SULT6B1: variants seen among roughly 807,000 people sequenced by gnomAD.
SULT6B1 encodes sulfotransferase 6B1.
Under a neutral mutation model 37.2 loss-of-function variants are expected in SULT6B1, and 44 were observed. That is an observed-to-expected ratio of 1.18 (90% CI 0.93 to 1.52). The LOEUF is 1.52. Among genes scored for constraint, SULT6B1 ranks in the 40% most tolerant of loss-of-function variants. The probability of loss-of-function intolerance (pLI) is 0.00; values close to 1 mark genes in which losing one functional copy is unlikely to be tolerated. For synonymous variants in SULT6B1, 140 were observed against 126.0 expected, an observed-to-expected ratio of 1.11 and a Z score of -0.74; for missense variants, 450 against 361.0, an observed-to-expected ratio of 1.25 and a Z score of -2.00.
intron 4 of SULT6B1, among the ~76,000 whole-genome samples, chr2:37,178,171 A>C (rs1347807185): frequency 6.6e-6 from 1 of 152,004 alleles, no homozygotes; most frequent in Admixed American, 6.6e-5. Flanking sequence ...CAGCCTCCCA[A>C]GTAGCTGAGA....
chr2:37,187,547 T>C, intron 1 of SULT6B1, 80 bp from the exon 2 acceptor site: 3 of 774,526 alleles, frequency 3.9e-6, no homozygotes, highest in Non-Finnish European at 6.0e-6. Flanking sequence ...ATATACATGA[T>C]AAAAATTAAA....
intron 1 of SULT6B1, among the ~76,000 whole-genome samples, chr2:37,193,839 A>G (rs1238361467): frequency 1.3e-5 from 2 of 152,176 alleles, no homozygotes; most frequent in African/African-American, 4.8e-5. Context: ...ACATCTTTCT[A>G]GTCATTTGCA....
intron 1 of SULT6B1, among the ~76,000 whole-genome samples, chr2:37,195,861 G>T (rs545098635): frequency 7.2e-4 from 109 of 150,864 alleles, no homozygotes; most frequent in Non-Finnish European, 1.4e-3. Context: ...TCACTCTGTC[G>T]CCCAGGCTGG....
intron 4 of SULT6B1, among the ~76,000 whole-genome samples, chr2:37,178,576 C>T (rs112337055): frequency 1.7e-3 from 264 of 151,764 alleles, no homozygotes; most frequent in Admixed American, 5.1e-3. Flanking sequence ...TACAATGGGG[C>T]TAATACCACC....
In SULT6B1 at chr2:37,171,618, T is replaced by C. The variant is rs200348236; in HGVS notation, c.625-28A>G. 120 of 1,605,592 alleles carry C rather than the reference T, an allele frequency of 7.5e-5. 1 individual carries two copies. The East Asian group carries it at 2.5e-3, about 34-fold the overall frequency. ...GTAAAAAAATTTTCTTAAAGATAAA[T>C]TTCTTCCTATGGAAATTGTTCTCTG... is the stretch of plus-strand genomic sequence containing the variant. On this transcript the variant is annotated intron_variant, in intron 5 of 6. Transcript: ENST00000535679.
chr2:37,192,542 T>C (rs1192764556), upstream of SULT6B1, among the ~76,000 whole-genome samples: 1 of 152,246 alleles, frequency 6.6e-6, no homozygotes, highest in East Asian at 1.9e-4. Flanking sequence ...TATATAATAA[T>C]GTGATGATAT....
At chr2:37,185,164 A>T (rs1056406709) in intron 2 of SULT6B1, among the ~76,000 whole-genome samples, 2 of 152,214 alleles carry the variant, frequency 1.3e-5, no homozygotes, top group East Asian at 3.9e-4. Flanking sequence ...ATGGCCAAAA[A>T]TCATGTACAG....
chr2:37,176,435 T>C (rs1404585503), intron 4 of SULT6B1, among the ~76,000 whole-genome samples: 1 of 151,970 alleles, frequency 6.6e-6, no homozygotes, highest in Non-Finnish European at 1.5e-5. Context: ...AATTTTTGTA[T>C]TTTTGGTAGA....
At chr2:37,180,327 G>C (rs1478974333) in intron 3 of SULT6B1, among the ~76,000 whole-genome samples, 1 of 152,210 alleles carries the variant, frequency 6.6e-6, no homozygotes, top group East Asian at 1.9e-4. Flanking sequence ...TCAGAAAGGG[G>C]AAAGATGTGG....
intron 2 of SULT6B1, among the ~76,000 whole-genome samples, chr2:37,187,087 A>T (rs1261257408): frequency 6.6e-6 from 1 of 152,234 alleles, no homozygotes; most frequent in Non-Finnish European, 1.5e-5. Flanking sequence ...CAAACTGGAA[A>T]ACTTGGGTTC....
At position 37,167,829 on chromosome 2, in the gene SULT6B1, A is replaced by C. The variant is rs1676212621; in HGVS notation, c.*106T>G. 1 of 978,038 alleles carries C rather than the reference A, an allele frequency of 1.0e-6. No individual in the cohort carries two copies. Among genetic ancestry groups the C allele is most frequent in the African/African-American group, 1.8e-5 (1 of 56,642 alleles). The allele number at this position is 978,038 out of a possible 1,614,324, so 60.6% of individuals were successfully genotyped here. ...TTTTGTATTGTATTATTTAGATTTC[A>C]ATATTGTTTAATTATTATTTGATTA... is the stretch of plus-strand genomic sequence containing the variant. On this transcript the variant is annotated 3_prime_UTR_variant, in exon 7 of 7. Coordinates refer to ENST00000535679, the MANE Select transcript of SULT6B1 (RefSeq NM_001367551.1).
chr2:37,192,678 C>T (rs1676804453), upstream of SULT6B1, among the ~76,000 whole-genome samples: 2 of 152,214 alleles, frequency 1.3e-5, no homozygotes, highest in African/African-American at 4.8e-5. Flanking sequence ...CTTTGTTTCC[C>T]TCTGGTCAGG....
chr2:37,180,953 G>T (rs1558448667), intron 3 of SULT6B1, among the ~76,000 whole-genome samples: 1 of 152,092 alleles, frequency 6.6e-6, no homozygotes, highest in East Asian at 1.9e-4. Flanking sequence ...CTGCTGGGAG[G>T]TTTTTAATAA....
Position 37,168,082 on chromosome 2 carries a change from AC to A in SULT6B1, c.782-18del. ...CAACTTCACCTACAACACACAAAAA[AC>A]AGTAGACCCAGATATCTGTTAGAAT... On this transcript the variant is annotated intron_variant, in intron 6 of 6. Transcript: ENST00000535679. 1 of 1,565,934 alleles carries A rather than the reference AC, an allele frequency of 6.4e-7. No individual in the cohort carries two copies. The highest frequency in any genetic ancestry group is 8.6e-7 in the Non-Finnish European group (1 of 1,164,138).
At chr2:37,192,134 C>T (rs1676791956), upstream of SULT6B1, among the ~76,000 whole-genome samples, 1 of 152,220 alleles carries the variant, frequency 6.6e-6, no homozygotes, top group Non-Finnish European at 1.5e-5. Flanking sequence ...AAGAAAAAAC[C>T]TGCATCACTA....
At chr2:37,189,132 C>T (rs537234374), upstream of SULT6B1, among the ~76,000 whole-genome samples, 14 of 152,266 alleles carry the variant, frequency 9.2e-5, no homozygotes, top group African/African-American at 3.1e-4. Flanking sequence ...TAGGCACTCT[C>T]ATTTACTGGC....
upstream of SULT6B1, among the ~76,000 whole-genome samples, chr2:37,193,509 C>T (rs909371255): frequency 6.7e-6 from 1 of 150,244 alleles, no homozygotes; most frequent in Non-Finnish European, 1.5e-5. Context: ...GCATTAAAGA[C>T]ACCATGCCCT....
At chr2:37,178,965 G>GTTTA (rs1382806477) in intron 4 of SULT6B1, among the ~76,000 whole-genome samples, 1 of 151,928 alleles carries the variant, frequency 6.6e-6, no homozygotes, top group Admixed American at 6.6e-5. Context: ...TTGTTTGTTT[G>GTTTA]TTTGTTTGTT....
upstream of SULT6B1, among the ~76,000 whole-genome samples, chr2:37,193,339 G>A (rs572245659): frequency 6.6e-6 from 1 of 151,092 alleles, no homozygotes; most frequent in Admixed American, 6.6e-5. Flanking sequence ...GTGCGTGCCT[G>A]TAGTCCCAAC....
Sources: allele counts gnomAD v4.1 joint callset (sites outside exome capture counted in the v4.1 genomes callset), GRCh38; gene constraint gnomAD v4.1.1; transcripts MANE v1.5; gene names NCBI Gene and HGNC (gene_info 2026-07-23, HGNC 2026-07-21).